Variants in CPAMD8 observed in about 807,000 individuals in gnomAD.
The protein encoded by CPAMD8 is C3 and PZP like alpha-2-macroglobulin domain containing 8.
A neutral mutation model predicts 224.7 loss-of-function variants in CPAMD8; 146 were observed. The observed-to-expected ratio is 0.65, with a 90% CI of 0.57 to 0.75. The LOEUF (loss-of-function observed/expected upper bound fraction) is 0.75. CPAMD8 is among the 30% of genes least tolerant of loss of function. The pLI is 0.00. For missense variants in CPAMD8, 2,301 were observed against 2,537.5 expected, an observed-to-expected ratio of 0.91 and a Z score of 2.00; for synonymous variants, 966 against 1,044.6, an observed-to-expected ratio of 0.92 and a Z score of 1.45.
Position 17,009,229 on chromosome 19 carries a change from G to A in CPAMD8, c.504+74C>T, listed in dbSNP as rs1041868588. 14 of 1,612,940 alleles carry A rather than the reference G, an allele frequency of 8.7e-6. No homozygotes were observed. In the African/African-American group the frequency reaches 1.2e-4, roughly 14 times the overall value. ...ACCCAGAAGGCAGACAGTGAGCGAAGACAGACCAGATCTTGCAGAAGGTGG... is the reference window on the plus strand; with the variant it reads ...ACCCAGAAGGCAGACAGTGAGCGAAAACAGACCAGATCTTGCAGAAGGTGG... On this transcript the variant is annotated intron_variant, in intron 6 of 41. Coordinates refer to ENST00000443236, the MANE Select transcript of CPAMD8 (RefSeq NM_015692.5).
At chr19:16,975,313 A>C in intron 16 of CPAMD8, 55 bp from the exon 17 acceptor site, 2 of 1,465,020 alleles carry the variant, frequency 1.4e-6, no homozygotes, top group Non-Finnish European at 1.9e-6. Context: ...TACAACCCAA[A>C]CTGGCTCCCG....
chr19:16,986,660 G>A (rs117929029), intron 13 of CPAMD8, among the ~76,000 whole-genome samples: 1,637 of 152,234 alleles, frequency 0.011, 21 homozygotes, highest in African/African-American at 0.028. Flanking sequence ...GATCAGAAAA[G>A]GAGTGTGAGA....
intron 18 of CPAMD8, among the ~76,000 whole-genome samples, chr19:16,960,904 AT>A (rs1440393951): frequency 6.6e-6 from 1 of 152,028 alleles, no homozygotes; most frequent in Non-Finnish European, 1.5e-5. Flanking sequence ...AAAAAAAAAA[AT>A]TATTCAGCTT....
intron 15 of CPAMD8, among the ~76,000 whole-genome samples, chr19:16,976,442 C>G (rs1568552065): frequency 6.6e-6 from 1 of 151,864 alleles, no homozygotes; most frequent in Non-Finnish European, 1.5e-5. Context: ...TGTGGTTGCA[C>G]CCCAGCCAGG....
At chr19:17,001,631 G>C (rs1310685104) in intron 9 of CPAMD8, among the ~76,000 whole-genome samples, 1 of 152,084 alleles carries the variant, frequency 6.6e-6, no homozygotes, top group Non-Finnish European at 1.5e-5. Context: ...TGGAAACAAA[G>C]ACAGGCAGTG....
chr19:16,893,414 C>A, intron 41 of CPAMD8, 75 bp from the exon 42 acceptor site: 1 of 1,037,552 alleles, frequency 9.6e-7, no homozygotes, highest in Non-Finnish European at 1.4e-6. Flanking sequence ...GAAGGAGCCA[C>A]AGGGCCTGTC....
chr19:16,913,566 A>G (rs2052808955), intron 29 of CPAMD8, among the ~76,000 whole-genome samples: 1 of 152,146 alleles, frequency 6.6e-6, no homozygotes, highest in South Asian at 2.1e-4. Flanking sequence ...AGAACTGTGC[A>G]AAATAAATGC....
At chr19:16,978,960 T>C (rs1484699729) in intron 14 of CPAMD8, among the ~76,000 whole-genome samples, 1 of 145,892 alleles carries the variant, frequency 6.9e-6, no homozygotes, top group Non-Finnish European at 1.5e-5. Context: ...CCATCCATCA[T>C]CCACCCACCC....
At chr19:17,020,252 G>A in intron 3 of CPAMD8, 79 bp downstream of exon 3, 3 of 1,096,294 alleles carry the variant, frequency 2.7e-6, no homozygotes, top group South Asian at 2.5e-5. Context: ...GGGATTACAT[G>A]TGTGAGCCAC....
chr19:16,906,374 CTTTCTTTCTTTCTTTCTTTCTTTCTTTCT>C lies in CPAMD8; in HGVS notation c.4027+549_4027+577del, dbSNP rs1568459377. 3.2e-3 allele frequency among the ~76,000 whole-genome samples: 304 copies of C among 93,610 alleles called. 7 individuals carry two copies. The highest frequency in any genetic ancestry group is 0.014 in the Middle Eastern group (3 of 220). 61.4% of individuals were successfully genotyped at this position (93,610 alleles called of 152,430 possible). A position where few individuals can be genotyped will look rare whatever the true frequency, so the allele number is the denominator to read the frequency against. ...TCTTTCTTTCTTTCTTTCTTTCTTTCTTTCTTTCTTTCTTTCTTTCTTTCTTTCTTTCTTTCCTTCCTTCCTTCCTTCCT... is the reference window on the plus strand; with the variant it reads ...TCTTTCTTTCTTTCTTTCTTTCTTTCTTCTTTCCTTCCTTCCTTCCTTCCT... On this transcript the variant is annotated intron_variant, in intron 30 of 41. Transcript: ENST00000443236.
chr19:16,927,982 C>T (rs371924618), intron 25 of CPAMD8, 27 bp downstream of exon 25: 9 of 1,565,026 alleles, frequency 5.8e-6, no homozygotes, highest in Middle Eastern at 1.7e-4. Context: ...CCTGACCTCT[C>T]CAAGCCAGGC....
At chr19:16,986,356 C>T (rs181041358) in intron 13 of CPAMD8, among the ~76,000 whole-genome samples, 4 of 152,184 alleles carry the variant, frequency 2.6e-5, no homozygotes, top group Non-Finnish European at 4.4e-5. Context: ...GAGATTCACC[C>T]GGGGAGCAAA....
intron 13 of CPAMD8, among the ~76,000 whole-genome samples, chr19:16,984,330 A>G (rs4808546): frequency 5.0e-4 from 66 of 132,576 alleles, no homozygotes; most frequent in South Asian, 3.8e-3. Context: ...AAAAAAAAAA[A>G]AGAGAGAGAG....
At chr19:17,000,387 G>T in intron 10 of CPAMD8, 27 bp downstream of exon 10, 1 of 876,816 alleles carries the variant, frequency 1.1e-6, no homozygotes, top group Non-Finnish European at 2.0e-6. Flanking sequence ...GTTGGGTCAG[G>T]GGGTAGAAGG....
rs2053429381 is a variant in CPAMD8, at chr19:16,928,094, CA to C, written c.3284del (p.Val1095GlyfsTer37). On this transcript the variant is annotated frameshift_variant, in exon 25 of 42. Transcript: ENST00000443236. LOFTEE classifies it high-confidence loss of function. ...GEFRIWRKME[V>X]DESYSEAFTL... ...TGAAGGCCTCGCTGTAGCTCTCGTCCACCTCCATCTTCCTCCAGATTCGGAA... is the reference window on the plus strand; with the variant it reads ...TGAAGGCCTCGCTGTAGCTCTCGTCCCCTCCATCTTCCTCCAGATTCGGAA... The C allele has an allele frequency of 3.7e-6, 6 of 1,613,942 alleles. No homozygotes were observed. The highest frequency in any genetic ancestry group is 5.1e-6 in the Non-Finnish European group (6 of 1,180,020).
chr19:17,002,273 G>A lies in CPAMD8; in HGVS notation c.751C>T (p.Arg251Trp), dbSNP rs10426545. The change falls in exon 9 of 42, where the codon CGG becomes TGG. Residue 251 changes from arginine (R) to tryptophan (W), a missense_variant. By Grantham distance (101) the Arg-to-Trp change is moderately radical (BLOSUM62 -3). Transcript: ENST00000443236. Reference protein sequence around the residue: ...DLDACETGTVRARYTFGKPVA... With the variant: ...DLDACETGTVWARYTFGKPVA... ...GGGGTCCCTCTTTCTCACCTGGCCC[G>A]CACAGTGCCTGTCTCACAGGCGTCC... 5.3e-3 allele frequency: 8,411 copies of A among 1,593,366 alleles called. 339 individuals carry two copies. The African/African-American group carries it at 0.089, about 17-fold the overall frequency.
intron 36 of CPAMD8, among the ~76,000 whole-genome samples, chr19:16,900,055 A>C (rs1259724699): frequency 4.6e-5 from 7 of 152,036 alleles, no homozygotes; most frequent in African/African-American, 1.7e-4. Flanking sequence ...CCCACACTGC[A>C]GACCTCCTTT....
chr19:16,899,841 G>A lies in CPAMD8; in HGVS notation c.4774-292C>T, dbSNP rs191586386. Among the ~76,000 whole-genome samples the A allele has an allele frequency of 5.3e-5, 8 of 151,534 alleles. No homozygotes were observed. In the East Asian group the frequency reaches 1.2e-3, roughly 22 times the overall value. On this transcript the variant is annotated intron_variant, in intron 36 of 41. Transcript: ENST00000443236. This position sits in a 1 kb window ranked among gnomAD's most constrained non-coding sequence, Gnocchi z 5.4. ...CGTGGCCAAAGAGGTGCCCGGCTGAGCCCTGCCGCCTGCTGGTGTCTCAGC... is the reference window on the plus strand; with the variant it reads ...CGTGGCCAAAGAGGTGCCCGGCTGAACCCTGCCGCCTGCTGGTGTCTCAGC...
chr19:17,006,870 A>T (rs1341010269), intron 7 of CPAMD8, among the ~76,000 whole-genome samples: 1 of 152,108 alleles, frequency 6.6e-6, no homozygotes, highest in Non-Finnish European at 1.5e-5. Flanking sequence ...CACTCATCAC[A>T]ACTGACATTA....
Sources: allele counts gnomAD v4.1 joint callset (sites outside exome capture counted in the v4.1 genomes callset), GRCh38; gene constraint gnomAD v4.1.1; non-coding constraint Gnocchi (gnomAD v3.1); transcripts MANE v1.5; gene names NCBI Gene and HGNC (gene_info 2026-07-23, HGNC 2026-07-21).